The following CACNA1E variants were observed in gnomAD, a reference collection of about 807,000 sequenced individuals.
CACNA1E encodes calcium voltage-gated channel subunit alpha1 E, also known as voltage-dependent R-type calcium channel subunit alpha-1E.
A neutral mutation model predicts 259.2 loss-of-function variants in CACNA1E; 40 were observed. That is an observed-to-expected ratio of 0.15 (90% CI 0.12 to 0.20). The LOEUF (loss-of-function observed/expected upper bound fraction) is 0.20. CACNA1E is among the 10% of genes least tolerant of loss of function. CACNA1E has a pLI of 1.00. For missense variants in CACNA1E, 1,874 were observed against 3,040.1 expected (o/e 0.62, Z 9.02); for synonymous variants, 1,104 against 1,138.5 (o/e 0.97, Z 0.61).
chr1:181,486,334 A>G (rs1424422781), intron 1 of CACNA1E, among the ~76,000 whole-genome samples: 1 of 152,264 alleles, frequency 6.6e-6, no homozygotes, highest in Non-Finnish European at 1.5e-5. Context: ...TTCAGGGAAC[A>G]TCTGCTAAGG....
chr1:181,786,546 A>C (rs947386697), intron 43 of CACNA1E, among the ~76,000 whole-genome samples: 3 of 152,226 alleles, frequency 2.0e-5, no homozygotes, highest in African/African-American at 7.2e-5. Context: ...AGTAAAAATA[A>C]AACACAAATT....
chr1:181,498,954 A>G (rs577459641), intron 1 of CACNA1E, among the ~76,000 whole-genome samples: 1 of 152,374 alleles, frequency 6.6e-6, no homozygotes, highest in South Asian at 2.1e-4. Flanking sequence ...TTACGTAAGA[A>G]AAAATAGGAA....
chr1:181,450,939 G>A (rs1254025185), intron 2 of CACNA1E, among the ~76,000 whole-genome samples: 7 of 152,182 alleles, frequency 4.6e-5, no homozygotes, highest in African/African-American at 1.7e-4. Context: ...AGGACTTTGT[G>A]ATTGAAGAAT....
intron 6 of CACNA1E, among the ~76,000 whole-genome samples, chr1:181,636,553 A>G (rs1337472095): frequency 2.6e-5 from 4 of 152,196 alleles, no homozygotes; most frequent in Admixed American, 2.0e-4. Flanking sequence ...CTGGACCTCA[A>G]TGTGGGGATT....
At chr1:181,611,484 G>T (rs79575764) in intron 6 of CACNA1E, among the ~76,000 whole-genome samples, 4,506 of 151,496 alleles carry the variant, frequency 0.03, 183 homozygotes, top group African/African-American at 0.099. Flanking sequence ...ATTATCAAAA[G>T]AATGTGAGAC....
chr1:181,518,559 T>C (rs1190838860), intron 3 of CACNA1E, among the ~76,000 whole-genome samples: 1 of 152,236 alleles, frequency 6.6e-6, no homozygotes, highest in Admixed American at 6.5e-5. Flanking sequence ...AGGTCTCTTC[T>C]TAGCTCTGTG....
intron 1 of CACNA1E, among the ~76,000 whole-genome samples, chr1:181,326,458 T>C (rs908853940): frequency 2.6e-5 from 4 of 152,162 alleles, no homozygotes; most frequent in Non-Finnish European, 4.4e-5. Context: ...CTGGATACCT[T>C]ATGGTGTCTC....
At chr1:181,736,919 G>C (rs1045470951) in intron 22 of CACNA1E, among the ~76,000 whole-genome samples, 5 of 152,182 alleles carry the variant, frequency 3.3e-5, no homozygotes, top group African/African-American at 9.7e-5. Flanking sequence ...GACATGAAGT[G>C]GGGGTGACAG....
chr1:181,393,453 ATCTTT>A (rs1289160818), intron 1 of CACNA1E, among the ~76,000 whole-genome samples: 2 of 152,006 alleles, frequency 1.3e-5, no homozygotes, highest in Middle Eastern at 3.4e-3. Context: ...GGGGTAGGTG[ATCTTT>A]TCTTTTCTTT....
At chr1:181,591,680 G>A (rs1197947123) in intron 6 of CACNA1E, among the ~76,000 whole-genome samples, 2 of 152,120 alleles carry the variant, frequency 1.3e-5, no homozygotes, top group East Asian at 3.8e-4. Context: ...GATGCCAAAG[G>A]TACTATAACA....
chr1:181,355,748 A>G (rs182542231), intron 1 of CACNA1E, among the ~76,000 whole-genome samples: 73 of 152,318 alleles, frequency 4.8e-4, no homozygotes, highest in Non-Finnish European at 7.9e-4. Flanking sequence ...TTGCACTGCA[A>G]TGCTTGTTTA....
intron 1 of CACNA1E, among the ~76,000 whole-genome samples, chr1:181,408,240 A>G (rs763663877): frequency 6.6e-6 from 1 of 152,136 alleles, no homozygotes; most frequent in Non-Finnish European, 1.5e-5. Flanking sequence ...GTTCTGGAGG[A>G]ATCAGAAAGA....
chr1:181,679,569 A>G (rs1256537619), intron 7 of CACNA1E, among the ~76,000 whole-genome samples: 1 of 152,224 alleles, frequency 6.6e-6, no homozygotes, highest in East Asian at 1.9e-4. Flanking sequence ...TCCTTTCACA[A>G]ACGGTTACTT....
At chr1:181,692,760 TC>T (rs902862256) in intron 7 of CACNA1E, among the ~76,000 whole-genome samples, 2 of 152,006 alleles carry the variant, frequency 1.3e-5, no homozygotes, top group African/African-American at 4.8e-5. Context: ...GACTAAGTCC[TC>T]AAAAGCAATT....
Position 181,807,460 on chromosome 1 carries a change from T to C in CACNA1E, c.*8626T>C, listed in dbSNP as rs1662710522. ...TTCCTCCTGTCCACATCACTCCCCA[T>C]TTAACTGCAATTGCTCCCTTGCCAC... On this transcript the variant is annotated 3_prime_UTR_variant, in exon 48 of 48. Transcript: ENST00000367573. The C allele has an allele frequency of 6.6e-6, 1 of 152,062 alleles. No individual in the cohort carries two copies. The highest frequency in any genetic ancestry group is 1.5e-5 in the Non-Finnish European group (1 of 68,086). 9.4% of individuals were successfully genotyped at this position (152,062 alleles called of 1,614,324 possible).
At chr1:181,386,578 A>C (rs1655865061) in intron 1 of CACNA1E, among the ~76,000 whole-genome samples, 1 of 152,238 alleles carries the variant, frequency 6.6e-6, no homozygotes, top group Non-Finnish European at 1.5e-5. Flanking sequence ...TCTCTGGCCA[A>C]CATGGCAGCA....
chr1:181,700,658 T>C (rs72733195), intron 7 of CACNA1E, among the ~76,000 whole-genome samples: 18,409 of 152,242 alleles, frequency 0.12, 1,148 homozygotes, highest in Admixed American at 0.16. Flanking sequence ...GCCTGGATTT[T>C]CCTGCCTGAA....
intron 3 of CACNA1E, among the ~76,000 whole-genome samples, chr1:181,518,100 G>A (rs1241453903): frequency 1.3e-5 from 2 of 152,126 alleles, no homozygotes; most frequent in African/African-American, 4.8e-5. Context: ...GTAGAGGGAG[G>A]AGACATGAGA....
chr1:181,756,573 C>T (rs565604323), intron 29 of CACNA1E, among the ~76,000 whole-genome samples: 2 of 152,202 alleles, frequency 1.3e-5, no homozygotes, highest in African/African-American at 2.4e-5. Context: ...AAGCTAATTT[C>T]TCAGAGACTT....
Sources: gnomAD v4.1 joint callset for allele counts (sites outside exome capture counted in the v4.1 genomes callset) on GRCh38, gnomAD v4.1.1 for gene constraint, MANE v1.5 for transcripts, NCBI Gene and HGNC (gene_info 2026-07-23, HGNC 2026-07-21) for gene names.